TNFSF8: variants seen among roughly 807,000 people sequenced by gnomAD.
The protein encoded by TNFSF8 is TNF superfamily member 8, also known as tumor necrosis factor ligand superfamily member 8.
Under a neutral mutation model 22.0 loss-of-function variants are expected in TNFSF8, and 4 were observed. The ratio of observed to expected loss-of-function variants is 0.18; its 90% CI spans 0.09 to 0.42. TNFSF8 has a LOEUF of 0.42. Among genes scored for constraint, TNFSF8 ranks in the 10% least tolerant of loss-of-function variants. TNFSF8 has a pLI of 1.00. For missense variants in TNFSF8, 233 were observed against 281.8 expected, an observed-to-expected ratio of 0.83 and a Z score of 1.24; for synonymous variants, 106 against 112.5, an observed-to-expected ratio of 0.94 and a Z score of 0.37.
chr9:114,923,473 T>A (rs868778789), intron 1 of TNFSF8, among the ~76,000 whole-genome samples: 1 of 145,950 alleles, frequency 6.9e-6, no homozygotes, highest in Non-Finnish European at 1.5e-5. Context: ...ATTACTTTTC[T>A]TTCTTTTTCT....
Position 114,902,889 on chromosome 9 carries a change from A to G in TNFSF8, c.*1042T>C. On this transcript the variant is annotated 3_prime_UTR_variant, in exon 4 of 4. Coordinates refer to ENST00000223795, the MANE Select transcript of TNFSF8 (RefSeq NM_001244.4). ...TGCCTTGGCAACCATTTTGTATACA[A>G]GTTTAATTTCTCATACCAGAAGCCG... is the stretch of plus-strand genomic sequence containing the variant. The G allele has an allele frequency of 2.3e-6, 1 of 439,328 alleles. No individual in the cohort carries two copies. The highest frequency in any genetic ancestry group is 3.0e-6 in the Non-Finnish European group (1 of 330,870). 27.2% of individuals were successfully genotyped at this position (439,328 alleles called of 1,614,324 possible).
At chr9:114,924,221 G>A (rs1259187063) in intron 1 of TNFSF8, among the ~76,000 whole-genome samples, 1 of 152,132 alleles carries the variant, frequency 6.6e-6, no homozygotes, top group Non-Finnish European at 1.5e-5. Flanking sequence ...GATCTGGGGT[G>A]AGCCCTGAGA....
At chr9:114,906,243 G>A (rs992665469) in intron 2 of TNFSF8, among the ~76,000 whole-genome samples, 2 of 152,106 alleles carry the variant, frequency 1.3e-5, no homozygotes, top group Non-Finnish European at 2.9e-5. Context: ...CTGTGAGAGG[G>A]GTATTATTAA....
downstream of TNFSF8, chr9:114,901,093 G>C: frequency 2.0e-6 from 2 of 985,282 alleles, no homozygotes; most frequent in Non-Finnish European, 2.4e-6. Context: ...AGCAAGGGAA[G>C]GAGCTCAAGT....
chr9:114,925,948 A>C (rs969008123), intron 1 of TNFSF8, among the ~76,000 whole-genome samples: 10 of 152,078 alleles, frequency 6.6e-5, no homozygotes, highest in Non-Finnish European at 1.2e-4. Flanking sequence ...CTCATTGTCT[A>C]TCTCATTATG....
chr9:114,897,434 G>A (rs1827668496), downstream of TNFSF8, among the ~76,000 whole-genome samples: 1 of 152,120 alleles, frequency 6.6e-6, no homozygotes, highest in Non-Finnish European at 1.5e-5. Context: ...AATAAGATTG[G>A]TAGGGTTCCT....
At position 114,901,613 on chromosome 9, in the gene TNFSF8, A is replaced by G; in HGVS notation, c.*2318T>C. On this transcript the variant is annotated 3_prime_UTR_variant, in exon 4 of 4. Transcript: ENST00000223795. Reference sequence around the variant, plus strand: ...TAAGCAAGATTCATTTGTCCTATGCAGTTAGTGTGTGACTCAAATGCCAGC... The same window carrying G: ...TAAGCAAGATTCATTTGTCCTATGCGGTTAGTGTGTGACTCAAATGCCAGC... The G allele has an allele frequency of 1.0e-6, 1 of 985,352 alleles. No homozygotes were observed. Among genetic ancestry groups the G allele is most frequent in the South Asian group, 4.7e-5 (1 of 21,290 alleles). The allele number at this position is 985,352 out of a possible 1,614,324, so 61.0% of individuals were successfully genotyped here. A position where few individuals can be genotyped will look rare whatever the true frequency, so the allele number is the denominator to read the frequency against.
intron 1 of TNFSF8, among the ~76,000 whole-genome samples, chr9:114,926,948 ATATT>A (rs1252827809): frequency 6.8e-6 from 1 of 147,324 alleles, no homozygotes; most frequent in African/African-American, 2.5e-5. Context: ...ATATTATAAA[ATATT>A]AAATAACATA....
intron 1 of TNFSF8, among the ~76,000 whole-genome samples, chr9:114,925,861 G>C (rs1828050760): frequency 6.6e-6 from 1 of 152,132 alleles, no homozygotes; most frequent in African/African-American, 2.4e-5. Flanking sequence ...ACAAAACAAA[G>C]ACGTCTCTAA....
chr9:114,923,522 C>CTTTTTT lies in TNFSF8; in HGVS notation c.196-5390_196-5385dup, dbSNP rs1554778310. 6.7e-5 allele frequency among the ~76,000 whole-genome samples: 6 copies of CTTTTTT among 89,742 alleles called. No homozygotes were observed. The South Asian group carries it at 1.5e-3, about 22-fold the overall frequency. 58.9% of individuals were successfully genotyped at this position (89,742 alleles called of 152,430 possible). A position where few individuals can be genotyped will look rare whatever the true frequency, so the allele number is the denominator to read the frequency against. On this transcript the variant is annotated intron_variant, in intron 1 of 3. Coordinates refer to ENST00000223795, the MANE Select transcript of TNFSF8 (RefSeq NM_001244.4). ...TCTTTCTTTCTTTCTTTCTTTCTTTCTTTTTTTTTTTTTGAGATGAAATCT... is the reference window on the plus strand; with the variant it reads ...TCTTTCTTTCTTTCTTTCTTTCTTTCTTTTTTTTTTTTTTTTTTTGAGATGAAATCT...
At chr9:114,929,072 T>C (rs1828101910) in intron 1 of TNFSF8, among the ~76,000 whole-genome samples, 1 of 152,172 alleles carries the variant, frequency 6.6e-6, no homozygotes, top group African/African-American at 2.4e-5. Context: ...ATTAACAACT[T>C]CATCAAAAAA....
chr9:114,916,124 C>A (rs1827915093), intron 2 of TNFSF8, among the ~76,000 whole-genome samples: 1 of 152,088 alleles, frequency 6.6e-6, no homozygotes, highest in African/African-American at 2.4e-5. Context: ...CAAAATAACT[C>A]TGGCAAAAAA....
downstream of TNFSF8, among the ~76,000 whole-genome samples, chr9:114,899,895 T>C (rs1827697772): frequency 6.6e-6 from 1 of 152,180 alleles, no homozygotes; most frequent in Admixed American, 6.5e-5. Flanking sequence ...TGACACCATT[T>C]ATAATTTTCC....
chr9:114,905,975 A>T (rs1587932407), intron 2 of TNFSF8, 76 bp from the exon 3 acceptor site: 1 of 948,906 alleles, frequency 1.1e-6, no homozygotes, highest in Non-Finnish European at 1.7e-6. Context: ...TTTTTCTACA[A>T]CACTTTGATG....
In TNFSF8 at chr9:114,903,887, T is replaced by C. The variant is rs777257381; in HGVS notation, c.*44A>G. On this transcript the variant is annotated 3_prime_UTR_variant, in exon 4 of 4. Coordinates refer to ENST00000223795, the MANE Select transcript of TNFSF8 (RefSeq NM_001244.4). The stretch of plus-strand genomic sequence containing the variant: ...AAGTGTTTGGAGGGATGAAATACTG[T>C]ATGGTAGAGAGGCGCTTTCTTCCTG... The C allele has an allele frequency of 1.3e-6, 2 of 1,561,100 alleles. No individual in the cohort carries two copies.
At chr9:114,910,147 A>T (rs112547734) in intron 2 of TNFSF8, among the ~76,000 whole-genome samples, 6 of 152,200 alleles carry the variant, frequency 3.9e-5, no homozygotes, top group African/African-American at 1.4e-4. Flanking sequence ...TAGAAGGATC[A>T]TGGGACTTTC....
intron 1 of TNFSF8, among the ~76,000 whole-genome samples, chr9:114,925,141 C>CCAGTGG (rs907476574): frequency 6.6e-6 from 1 of 152,080 alleles, no homozygotes; most frequent in African/African-American, 2.4e-5. Flanking sequence ...GGGAGAGAGT[C>CCAGTGG]CAGTGGCAGT....
intron 1 of TNFSF8, among the ~76,000 whole-genome samples, chr9:114,923,419 A>C (rs1319670401): frequency 6.6e-6 from 1 of 152,052 alleles, no homozygotes; most frequent in African/African-American, 2.4e-5. Context: ...CAAAACCACC[A>C]AGTGAAGAGT....
At chr9:114,897,259 G>T (rs556276603), downstream of TNFSF8, among the ~76,000 whole-genome samples, 1 of 112,426 alleles carries the variant, frequency 8.9e-6, no homozygotes, top group Admixed American at 1.0e-4. Context: ...ATTTTGAAAA[G>T]AACTGTTTTT....
Sources: gnomAD v4.1 joint callset for allele counts (sites outside exome capture counted in the v4.1 genomes callset) on GRCh38, gnomAD v4.1.1 for gene constraint, MANE v1.5 for transcripts, NCBI Gene and HGNC (gene_info 2026-07-23, HGNC 2026-07-21) for gene names.